Variants in NT5C2 observed in about 807,000 individuals in gnomAD.
The protein encoded by NT5C2 is 5'-nucleotidase, cytosolic II, also known as cytosolic purine 5'-nucleotidase.
NT5C2 carries 58 observed loss-of-function variants against 76.1 expected under a neutral mutation model. That is an observed-to-expected ratio of 0.76 (90% CI 0.62 to 0.95). The LOEUF (loss-of-function observed/expected upper bound fraction) is 0.95, where lower values mean the gene tolerates loss of function less well. NT5C2 is among the 40% of genes least tolerant of loss of function. The pLI, the probability that NT5C2 is intolerant of heterozygous loss-of-function variation, is 0.00. For synonymous variants in NT5C2, 229 were observed against 237.4 expected (o/e 0.96, Z 0.32); for missense variants, 478 against 690.3 (o/e 0.69, Z 3.45).
At chr10:103,170,380 T>C (rs2087601995) in intron 3 of NT5C2, among the ~76,000 whole-genome samples, 1 of 152,148 alleles carries the variant, frequency 6.6e-6, no homozygotes, top group Admixed American at 6.6e-5. Flanking sequence ...GTTTTTTCTA[T>C]TGTTTCCAGT....
At chr10:103,130,399 T>C (rs1435283194) in intron 4 of NT5C2, among the ~76,000 whole-genome samples, 1 of 151,562 alleles carries the variant, frequency 6.6e-6, no homozygotes, top group Admixed American at 6.6e-5. Context: ...TCTCAAGTAA[T>C]CAGGGACACA....
chr10:103,164,051 C>T (rs536811475), intron 3 of NT5C2, among the ~76,000 whole-genome samples: 75 of 151,940 alleles, frequency 4.9e-4, no homozygotes, highest in African/African-American at 1.7e-3. Context: ...CCAGCCTGGA[C>T]ATCAAAGTGA....
chr10:103,158,283 T>A (rs2083913720), intron 3 of NT5C2, among the ~76,000 whole-genome samples: 1 of 151,522 alleles, frequency 6.6e-6, no homozygotes, highest in Non-Finnish European at 1.5e-5. Context: ...AGAAGAAACA[T>A]CTCAATTAAT....
At position 103,094,071 on chromosome 10, in the gene NT5C2, A is replaced by T. The variant is rs763207061; in HGVS notation, c.922-33T>A. 5.1e-6 allele frequency: 8 copies of T among 1,553,532 alleles called. No individual in the cohort carries two copies. In the African/African-American group the frequency reaches 1.1e-4, roughly 21 times the overall value. ...AAGAATATGGATTTTGTAATACTTT[A>T]TCATCCTATCACAATCCTCCCCTCA... On this transcript the variant is annotated intron_variant, in intron 13 of 18. Transcript: ENST00000404739.
intron 4 of NT5C2, among the ~76,000 whole-genome samples, chr10:103,130,526 G>C (rs921925211): frequency 1.5e-5 from 2 of 131,206 alleles, no homozygotes; most frequent in African/African-American, 5.8e-5. Context: ...ATCCCCCTCT[G>C]TGAGAAACAC....
At chr10:103,142,116 T>G (rs1357005298) in intron 3 of NT5C2, among the ~76,000 whole-genome samples, 2 of 151,918 alleles carry the variant, frequency 1.3e-5, no homozygotes, top group Non-Finnish European at 2.9e-5. Flanking sequence ...TGCTTCTGTT[T>G]GTTTTCACAG....
intron 4 of NT5C2, among the ~76,000 whole-genome samples, chr10:103,134,088 C>T (rs1327087196): frequency 6.6e-6 from 1 of 152,100 alleles, no homozygotes; most frequent in Non-Finnish European, 1.5e-5. Context: ...CATAAAAGTT[C>T]CGAAAATTTG....
intron 3 of NT5C2, among the ~76,000 whole-genome samples, chr10:103,165,693 CAG>C (rs941304032): frequency 1.4e-5 from 2 of 143,110 alleles, no homozygotes; most frequent in East Asian, 2.2e-4. Flanking sequence ...TTTTTTGAGA[CAG>C]AGTTTCACTC....
chr10:103,159,329 G>A (rs987976058), intron 3 of NT5C2, among the ~76,000 whole-genome samples: 2 of 150,108 alleles, frequency 1.3e-5, no homozygotes, highest in African/African-American at 4.9e-5. Context: ...AAAGTGGCAG[G>A]ATACAAGATT....
At chr10:103,173,662 C>T (rs2088926446) in intron 3 of NT5C2, among the ~76,000 whole-genome samples, 1 of 150,688 alleles carries the variant, frequency 6.6e-6, no homozygotes, top group African/African-American at 2.4e-5. Flanking sequence ...CGCAGTGGCT[C>T]ACACCTGTAA....
At chr10:103,187,593 A>AG (rs2092194937) in intron 1 of NT5C2, among the ~76,000 whole-genome samples, 2 of 151,916 alleles carry the variant, frequency 1.3e-5, no homozygotes, top group South Asian at 4.2e-4. Flanking sequence ...TTACTCTCCA[A>AG]GCCACAGCTT....
intron 4 of NT5C2, among the ~76,000 whole-genome samples, chr10:103,115,132 G>A (rs2074019758): frequency 6.6e-6 from 1 of 152,228 alleles, no homozygotes; most frequent in Admixed American, 6.5e-5. Flanking sequence ...TGGGCGCGGT[G>A]GCTCACGCCT....
intron 3 of NT5C2, among the ~76,000 whole-genome samples, chr10:103,155,048 G>C (rs1026489281): frequency 6.6e-6 from 1 of 152,144 alleles, no homozygotes; most frequent in Admixed American, 6.5e-5. Context: ...AAAAGGTAAG[G>C]CATTGTCTAA....
intron 3 of NT5C2, among the ~76,000 whole-genome samples, chr10:103,154,611 A>T (rs1414005641): frequency 6.6e-6 from 1 of 152,208 alleles, no homozygotes; most frequent in East Asian, 1.9e-4. Context: ...AATCTATAAA[A>T]GGGAAGATAA....
At chr10:103,110,586 T>A (rs932858670) in intron 4 of NT5C2, among the ~76,000 whole-genome samples, 57 of 152,176 alleles carry the variant, frequency 3.7e-4, no homozygotes, top group Non-Finnish European at 4.1e-4. Flanking sequence ...CCCTCCAATT[T>A]TTTTCAACTA....
intron 4 of NT5C2, among the ~76,000 whole-genome samples, chr10:103,126,111 A>G (rs2076591761): frequency 6.6e-6 from 1 of 152,330 alleles, no homozygotes; most frequent in South Asian, 2.1e-4. Context: ...GAAAGTATAT[A>G]CATGAGGGCA....
intron 4 of NT5C2, chr10:103,111,897 C>CA: frequency 3.6e-6 from 3 of 823,218 alleles, no homozygotes; most frequent in Non-Finnish European, 4.9e-6. Flanking sequence ...AGAGAGATAC[C>CA]ATTTGGAAAT....
intron 1 of NT5C2, among the ~76,000 whole-genome samples, chr10:103,183,676 T>C (rs1486325234): frequency 6.6e-6 from 1 of 151,326 alleles, no homozygotes; most frequent in Non-Finnish European, 1.5e-5. Context: ...ATATATACTT[T>C]AAGTGGGGGT....
At chr10:103,141,371 T>C (rs982499370) in intron 3 of NT5C2, among the ~76,000 whole-genome samples, 3 of 152,104 alleles carry the variant, frequency 2.0e-5, no homozygotes, top group South Asian at 2.1e-4. Context: ...GGTAGGAGGA[T>C]TGCTTGAGTC....
Sources: allele counts gnomAD v4.1 joint callset (sites outside exome capture counted in the v4.1 genomes callset), GRCh38; gene constraint gnomAD v4.1.1; transcripts MANE v1.5; gene names NCBI Gene and HGNC (gene_info 2026-07-23, HGNC 2026-07-21).